Variants in NBAS observed in about 807,000 individuals in gnomAD.
The protein encoded by NBAS is NAG/BC035112 fusion.
A neutral mutation model predicts 302.5 loss-of-function variants in NBAS; 219 were observed. The ratio of observed to expected loss-of-function variants is 0.72; its 90% CI spans 0.65 to 0.81. The LOEUF (loss-of-function observed/expected upper bound fraction) is 0.81. Ranked by LOEUF, NBAS falls within the 30% of genes least tolerant of loss-of-function variation. The probability of loss-of-function intolerance (pLI) is 0.00; values close to 1 mark genes in which losing one functional copy is unlikely to be tolerated. For synonymous variants in NBAS, 1,118 were observed against 1,021.6 expected, an observed-to-expected ratio of 1.09 and a Z score of -1.80; for missense variants, 2,932 against 2,841.6, an observed-to-expected ratio of 1.03 and a Z score of -0.72.
chr2:14,957,647 A>C, the NBAS span, among the ~76,000 whole-genome samples: 12 of 152,216 alleles, frequency 7.9e-5, no homozygotes, highest in East Asian at 2.1e-3. Flanking sequence ...CCTCCTCTCC[A>C]GCCAGGTGGC....
At chr2:15,502,954 A>G (rs1477628646) in intron 11 of NBAS, among the ~76,000 whole-genome samples, 1 of 152,260 alleles carries the variant, frequency 6.6e-6, no homozygotes, top group African/African-American at 2.4e-5. Flanking sequence ...TGTATTAAAA[A>G]AATTTCTTTC....
chr2:15,128,716 A>C, the NBAS span, among the ~76,000 whole-genome samples: 1 of 152,260 alleles, frequency 6.6e-6, no homozygotes, highest in Admixed American at 6.5e-5. Flanking sequence ...AATGGGAAAT[A>C]AAGTTGGAAA....
the NBAS span, among the ~76,000 whole-genome samples, chr2:14,892,688 T>G: frequency 6.6e-6 from 1 of 152,108 alleles, no homozygotes. Context: ...TTTTCTTCTC[T>G]TTCATTTTGT....
the NBAS span, among the ~76,000 whole-genome samples, chr2:14,959,282 C>A: frequency 6.6e-6 from 1 of 152,222 alleles, no homozygotes; most frequent in Non-Finnish European, 1.5e-5. Context: ...ACATGCTATA[C>A]ACATGCACAC....
Position 15,511,359 on chromosome 2 carries a change from G to A in NBAS, c.747-9C>T, listed in dbSNP as rs758716102. 3.1e-6 allele frequency: 5 copies of A among 1,613,096 alleles called. No homozygotes were observed. Among genetic ancestry groups the A allele is most frequent in the Non-Finnish European group, 4.2e-6 (5 of 1,179,372 alleles). On this transcript the variant is annotated splice_polypyrimidine_tract_variant and intron_variant, in intron 9 of 51. Coordinates refer to ENST00000281513, the MANE Select transcript of NBAS (RefSeq NM_015909.4). ...CACCAACAAGTAAAAGTCTAAAAAG[G>A]AGAAAATTTTTAAAAATCGATAAAT... is the stretch of plus-strand genomic sequence containing the variant.
chr2:14,846,855 C>A, the NBAS span, among the ~76,000 whole-genome samples: 1 of 151,312 alleles, frequency 6.6e-6, no homozygotes, highest in Non-Finnish European at 1.5e-5. Context: ...TTAAATCATA[C>A]CACCAGAAAA....
chr2:15,005,602 T>A, the NBAS span, among the ~76,000 whole-genome samples: 1 of 152,320 alleles, frequency 6.6e-6, no homozygotes, highest in African/African-American at 2.4e-5. Flanking sequence ...TGCTGTTCCA[T>A]TGGAAATGTA....
the NBAS span, among the ~76,000 whole-genome samples, chr2:14,943,236 G>T: frequency 6.6e-6 from 1 of 152,208 alleles, no homozygotes; most frequent in Non-Finnish European, 1.5e-5. Flanking sequence ...GGATACACTT[G>T]TAGCAAGCTT....
At chr2:15,217,623 G>A (rs1666711032) in intron 48 of NBAS, among the ~76,000 whole-genome samples, 1 of 152,230 alleles carries the variant, frequency 6.6e-6, no homozygotes, top group Non-Finnish European at 1.5e-5. Context: ...TGACATGATG[G>A]TCTAACCCTG....
chr2:15,082,679 C>G, the NBAS span, among the ~76,000 whole-genome samples: 1 of 152,194 alleles, frequency 6.6e-6, no homozygotes, highest in South Asian at 2.1e-4. Flanking sequence ...GCCTGCCCAG[C>G]CAGCACCCTG....
At chr2:14,797,146 AGCCACCT>A in the NBAS span, among the ~76,000 whole-genome samples, 1 of 132,872 alleles carries the variant, frequency 7.5e-6, no homozygotes. Flanking sequence ...GGGGGACTAC[AGCCACCT>A]GCCTTTGGGT....
At chr2:15,087,223 AACACACAC>A in the NBAS span, among the ~76,000 whole-genome samples, 49 of 143,290 alleles carry the variant, frequency 3.4e-4, no homozygotes, top group African/African-American at 6.8e-4. Context: ...TTTTTATACA[AACACACAC>A]ACACACACAC....
At chr2:15,221,741 A>G (rs1666958144) in intron 47 of NBAS, among the ~76,000 whole-genome samples, 2 of 152,236 alleles carry the variant, frequency 1.3e-5, no homozygotes, top group Non-Finnish European at 2.9e-5. Flanking sequence ...AAAACCAGCA[A>G]AAGATTTCAA....
the NBAS span, among the ~76,000 whole-genome samples, chr2:14,920,572 T>TA: frequency 6.6e-6 from 1 of 152,330 alleles, no homozygotes; most frequent in East Asian, 1.9e-4. Flanking sequence ...TTGTCTAGAT[T>TA]AAAAATCTGG....
chr2:15,020,502 A>G, the NBAS span, among the ~76,000 whole-genome samples: 12 of 152,290 alleles, frequency 7.9e-5, no homozygotes, highest in South Asian at 2.3e-3. Context: ...AAAGGCAGAG[A>G]TCCTGAATGG....
intron 9 of NBAS, among the ~76,000 whole-genome samples, chr2:15,523,417 T>C (rs1156910718): frequency 6.6e-6 from 1 of 151,974 alleles, no homozygotes; most frequent in Non-Finnish European, 1.5e-5. Flanking sequence ...GTATGACAAC[T>C]ATTTATAGAG....
At chr2:15,183,080 A>C (rs1664905977) in intron 50 of NBAS, among the ~76,000 whole-genome samples, 1 of 152,210 alleles carries the variant, frequency 6.6e-6, no homozygotes, top group African/African-American at 2.4e-5. Flanking sequence ...AGATAATTTT[A>C]CCACCACAGT....
At chr2:14,780,618 A>C in the NBAS span, among the ~76,000 whole-genome samples, 1 of 152,210 alleles carries the variant, frequency 6.6e-6, no homozygotes, top group Non-Finnish European at 1.5e-5. Context: ...CTTCTTCATA[A>C]AGCTTGCTTT....
chr2:15,074,174 T>C, the NBAS span, among the ~76,000 whole-genome samples: 1 of 152,088 alleles, frequency 6.6e-6, no homozygotes, highest in Non-Finnish European at 1.5e-5. Context: ...ATTTAAGCAA[T>C]GTTAAAGGAA....
Sources: allele counts gnomAD v4.1 joint callset (sites outside exome capture counted in the v4.1 genomes callset), GRCh38; gene constraint gnomAD v4.1.1; transcripts MANE v1.5; gene names NCBI Gene and HGNC (gene_info 2026-07-23, HGNC 2026-07-21).